The following NFATC1 variants were observed in gnomAD, a reference collection of about 807,000 sequenced individuals.
The protein encoded by NFATC1 is nuclear factor of activated T-cells, cytoplasmic 1.
In NFATC1, 22 loss-of-function variants were observed where a neutral mutation model predicts 76.0. That is an observed-to-expected ratio of 0.29 (90% CI 0.21 to 0.41). The LOEUF (loss-of-function observed/expected upper bound fraction) is 0.41, where lower values mean the gene tolerates loss of function less well. Among genes scored for constraint, NFATC1 ranks in the 10% least tolerant of loss-of-function variants. The probability of loss-of-function intolerance (pLI) is 1.00; values close to 1 mark genes in which losing one functional copy is unlikely to be tolerated. For missense variants in NFATC1, 1,357 were observed against 1,337.7 expected (o/e 1.01, Z -0.23); for synonymous variants, 704 against 613.1 (o/e 1.15, Z -2.19).
rs56384153 is a variant in NFATC1, at chr18:79,524,520, C to T, written c.2783-3008C>T. ...TGGTCCCGGCCACGCGTCCCTGCAG[C>T]GTCTGAGACCTTGTGGAACACACTT... On this transcript the variant is annotated intron_variant, in intron 9 of 9. Coordinates refer to ENST00000427363, the MANE Select transcript of NFATC1 (RefSeq NM_001278669.2). This position sits in a 1 kb window ranked among gnomAD's most constrained non-coding sequence, Gnocchi z 7.2. Among the ~76,000 whole-genome samples, 5,267 of 152,288 alleles carry T rather than the reference C, an allele frequency of 0.035. 141 individuals are homozygous for T. Among genetic ancestry groups the T allele is most frequent in the Admixed American group, 0.052 (802 of 15,306 alleles).
intron 9 of NFATC1, among the ~76,000 whole-genome samples, chr18:79,519,667 A>AT (rs542251014): frequency 2.0e-5 from 3 of 152,032 alleles, no homozygotes; most frequent in South Asian, 2.1e-4. Context: ...CAACAGCAAG[A>AT]TTTTTTTTAT....
At chr18:79,460,015 T>C (rs2087976558) in intron 6 of NFATC1, among the ~76,000 whole-genome samples, 1 of 152,300 alleles carries the variant, frequency 6.6e-6, no homozygotes, top group Middle Eastern at 3.4e-3. Context: ...ACTTTTTAGT[T>C]TCCTGTAATT....
chr18:79,501,440 C>A (rs2090011742), intron 9 of NFATC1, among the ~76,000 whole-genome samples: 1 of 152,242 alleles, frequency 6.6e-6, no homozygotes, highest in Admixed American at 6.5e-5. Flanking sequence ...GAGGTGGCCA[C>A]TTTCACTGCT....
intron 2 of NFATC1, among the ~76,000 whole-genome samples, chr18:79,432,970 G>A (rs138834622): frequency 3.3e-5 from 5 of 152,158 alleles, no homozygotes; most frequent in East Asian, 1.9e-4. Flanking sequence ...CAAAGTAACC[G>A]AACAGCCTCC....
At chr18:79,417,325 GGGAGATC>G (rs2085913799) in intron 2 of NFATC1, among the ~76,000 whole-genome samples, 2 of 13,882 alleles carry the variant, frequency 1.4e-4, no homozygotes, top group African/African-American at 3.7e-4. Context: ...GGTGGGAGAT[GGGAGATC>G]GGCTGTGGTG....
At chr18:79,513,507 A>G (rs1038246256) in intron 9 of NFATC1, among the ~76,000 whole-genome samples, 2 of 152,260 alleles carry the variant, frequency 1.3e-5, no homozygotes, top group Admixed American at 1.3e-4. Context: ...AACTGGTACA[A>G]AAGCACCTCT....
At chr18:79,441,791 C>T (rs754858574) in intron 3 of NFATC1, among the ~76,000 whole-genome samples, 13 of 152,054 alleles carry the variant, frequency 8.5e-5, no homozygotes, top group South Asian at 2.1e-4. Context: ...GGGGTTGCGG[C>T]GTTTCCCACT....
At chr18:79,494,331 G>A (rs1299792289) in intron 9 of NFATC1, among the ~76,000 whole-genome samples, 1 of 134,730 alleles carries the variant, frequency 7.4e-6, no homozygotes, top group African/African-American at 2.8e-5. Context: ...TGGTACGGCC[G>A]GGGGAAGGCG....
chr18:79,408,480 T>C (rs2085518413), intron 1 of NFATC1, among the ~76,000 whole-genome samples: 1 of 152,258 alleles, frequency 6.6e-6, no homozygotes, highest in Non-Finnish European at 1.5e-5. Context: ...TTGAGTGTAA[T>C]TAACACATAA....
intron 9 of NFATC1, chr18:79,527,327 G>A (rs1026261793): frequency 2.5e-5 from 14 of 554,188 alleles, no homozygotes; most frequent in East Asian, 1.2e-4. Context: ...TCACTCTGGC[G>A]ACCCCAGCTC....
chr18:79,506,702 C>T (rs2090127795), intron 9 of NFATC1, among the ~76,000 whole-genome samples: 1 of 152,146 alleles, frequency 6.6e-6, no homozygotes, highest in African/African-American at 2.4e-5. Context: ...AATGTGTGTG[C>T]TTCCCAGTTA....
At chr18:79,491,848 A>G (rs1660157) in intron 9 of NFATC1, among the ~76,000 whole-genome samples, 96,086 of 151,690 alleles carry the variant, frequency 0.63, 30,482 homozygotes, top group Middle Eastern at 0.68. Flanking sequence ...GCCCCTGGGC[A>G]CCCAGCCATG....
At position 79,486,463 on chromosome 18, in the gene NFATC1, G is replaced by A. The variant is rs149171199; in HGVS notation, c.2308G>A (p.Asp770Asn). ...AAPGVSPKLH[D>N]LSPAAYTKGV... ...CCCTGGCGTGAGCCCCAAGCTCCAC[G>A]ACCTTTCTCCCGCTGCCTACACCAA... The change falls in exon 9 of 10, where the codon GAC (aspartate) becomes AAC (asparagine). Residue 770 changes from aspartate (D) to asparagine (N), a missense_variant. By Grantham distance (23) the Asp-to-Asn change is conservative. Around this residue, in one of 3 missense-constraint regions of NFATC1, gnomAD observed 424 missense variants for 395.4 expected, o/e 1.07. Coordinates refer to ENST00000427363, the MANE Select transcript of NFATC1 (RefSeq NM_001278669.2). 8.1e-6 allele frequency: 13 copies of A among 1,610,384 alleles called. No homozygotes were observed. The highest frequency in any genetic ancestry group is 5.5e-5 in the South Asian group (5 of 91,062).
rs116004419 is a variant in NFATC1, at chr18:79,449,819, C to T, written c.1589+835C>T. On this transcript the variant is annotated intron_variant, in intron 4 of 9. Coordinates refer to ENST00000427363, the MANE Select transcript of NFATC1 (RefSeq NM_001278669.2). ...GGGCTGCAGGAGTGGGGAGGAGTCC[C>T]GCACGGTGAGGGAGAGCGTGTAGGA... Among the ~76,000 whole-genome samples the T allele has an allele frequency of 2.3e-3, 343 of 152,214 alleles. 1 individual carries two copies. The highest frequency in any genetic ancestry group is 7.7e-3 in the African/African-American group (320 of 41,510).
At chr18:79,461,221 A>C (rs1166536313) in intron 6 of NFATC1, 90 bp from the exon 7 acceptor site, 3 of 1,489,348 alleles carry the variant, frequency 2.0e-6, no homozygotes, top group Non-Finnish European at 2.8e-6. Context: ...CTCCTGGCTC[A>C]GGGCCCTGGG....
chr18:79,427,450 GCCTCTGTGCGGTGGGTGGGGGCTGTACCA>G (rs1317702203), intron 2 of NFATC1, among the ~76,000 whole-genome samples: 2 of 110,604 alleles, frequency 1.8e-5, no homozygotes, highest in African/African-American at 3.7e-5. Flanking sequence ...TGGACGGCTG[GCCTCTGTGCGGTGGGTGGGGGCTGTACCA>G]CTGGCCTCTG....
At chr18:79,502,894 T>G (rs1455245103) in intron 9 of NFATC1, among the ~76,000 whole-genome samples, 1 of 152,212 alleles carries the variant, frequency 6.6e-6, no homozygotes, top group Non-Finnish European at 1.5e-5. Flanking sequence ...GGCATTACAT[T>G]CCGGCCACTT....
intron 8 of NFATC1, among the ~76,000 whole-genome samples, chr18:79,478,656 G>C (rs1362121798): frequency 6.6e-6 from 1 of 152,224 alleles, no homozygotes; most frequent in African/African-American, 2.4e-5. Context: ...GCTTTGGGAG[G>C]GGAGGTCCTG....
At chr18:79,480,611 C>T (rs535244349) in intron 8 of NFATC1, among the ~76,000 whole-genome samples, 1 of 152,124 alleles carries the variant, frequency 6.6e-6, no homozygotes, top group Non-Finnish European at 1.5e-5. Context: ...CCGGTACCAC[C>T]GCGGTTTTAA....
Sources: allele counts gnomAD v4.1 joint callset (sites outside exome capture counted in the v4.1 genomes callset), GRCh38; gene constraint gnomAD v4.1.1; regional missense constraint gnomAD v4.1.1; non-coding constraint Gnocchi (gnomAD v3.1); transcripts MANE v1.5; gene names NCBI Gene and HGNC (gene_info 2026-07-23, HGNC 2026-07-21).